The following STOML3 variants were observed in gnomAD, a reference collection of about 807,000 sequenced individuals.
STOML3 encodes the protein stomatin-like protein 3.
A neutral mutation model predicts 29.5 loss-of-function variants in STOML3; 31 were observed. The ratio of observed to expected loss-of-function variants is 1.05; its 90% CI spans 0.79 to 1.42. The LOEUF (loss-of-function observed/expected upper bound fraction) is 1.42, where lower values mean the gene tolerates loss of function less well. Among genes scored for constraint, STOML3 ranks in the 40% most tolerant of loss-of-function variants. STOML3 has a pLI of 0.00. For missense variants in STOML3, 380 were observed against 363.0 expected (o/e 1.05, Z -0.38); for synonymous variants, 122 against 139.8 (o/e 0.87, Z 0.90).
intron 3 of STOML3, 53 bp from the exon 4 acceptor site, chr13:38,972,647 G>A (rs996575694): frequency 4.2e-5 from 64 of 1,520,792 alleles, no homozygotes; most frequent in Non-Finnish European, 4.9e-5. Flanking sequence ...ATAACTACAA[G>A]TAGTCTCATA....
At chr13:38,989,765 G>GCAAT (rs1411131574) in intron 1 of STOML3, among the ~76,000 whole-genome samples, 1 of 152,168 alleles carries the variant, frequency 6.6e-6, no homozygotes, top group Non-Finnish European at 1.5e-5. Flanking sequence ...CCAAAGTGCT[G>GCAAT]CGATTACAGG....
intron 1 of STOML3, among the ~76,000 whole-genome samples, chr13:38,985,907 C>CTTTTTTTTTTTTTTT (rs1868500200): frequency 4.2e-5 from 1 of 23,676 alleles, no homozygotes; most frequent in African/African-American, 1.4e-4. Context: ...TTTTTCTTTT[C>CTTTTTTTTTTTTTTT]TTTCTTTTTT....
chr13:38,979,170 G>A (rs1881191076), intron 1 of STOML3, among the ~76,000 whole-genome samples: 1 of 152,178 alleles, frequency 6.6e-6, no homozygotes, highest in African/African-American at 2.4e-5. Flanking sequence ...TGAATACTCT[G>A]AAATTTAAAT....
rs549479647 is a variant in STOML3, at chr13:38,980,077, C to T, written c.53-3280G>A. 2.6e-6 allele frequency: 4 copies of T among 1,551,710 alleles called. No individual in the cohort carries two copies. In the Admixed American group the frequency reaches 5.9e-5, roughly 23 times the overall value. On this transcript the variant is annotated intron_variant, in intron 1 of 6. Coordinates refer to ENST00000379631, the MANE Select transcript of STOML3 (RefSeq NM_145286.3). ...CTACAAGCTCGCCTCTGGAGTTCAT[C>T]AAGCCCTTGCATCATTACACGTGCA... is the stretch of plus-strand genomic sequence containing the variant.
chr13:38,987,721 T>G (rs1483040250), intron 1 of STOML3, among the ~76,000 whole-genome samples: 1 of 130,584 alleles, frequency 7.7e-6, no homozygotes, highest in Non-Finnish European at 1.6e-5. Flanking sequence ...ATATATTAAT[T>G]CATATAACTA....
Position 38,966,968 on chromosome 13 carries a change from G to GC in STOML3, c.732_733insG (p.Leu245AlafsTer38), listed in dbSNP as rs1235082931. ...AAGGTCTGCAGGTAGCGCAGCTGGAGAGCTATGGGAGACTCAGCCAGCACC... is the reference window on the plus strand; with the variant it reads ...AAGGTCTGCAGGTAGCGCAGCTGGAGCAGCTATGGGAGACTCAGCCAGCACC... On this transcript the variant is annotated frameshift_variant, in exon 7 of 7. Coordinates refer to ENST00000379631, the MANE Select transcript of STOML3 (RefSeq NM_145286.3). LOFTEE classifies it high-confidence loss of function. 6.2e-7 allele frequency: 1 copy of GC among 1,613,880 alleles called. No individual in the cohort carries two copies. Among genetic ancestry groups the GC allele is most frequent in the Non-Finnish European group, 8.5e-7 (1 of 1,180,012 alleles).
At position 38,966,919 on chromosome 13, in the gene STOML3, T is replaced by C. The variant is rs146418702; in HGVS notation, c.782A>G (p.Asn261Ser). 2.5e-5 allele frequency: 41 copies of C among 1,613,984 alleles called. No individual in the cohort carries two copies. The highest frequency in any genetic ancestry group is 3.3e-5 in the Non-Finnish European group (39 of 1,180,014). The change falls in exon 7 of 7, where the codon AAT becomes AGT. Residue 261 changes from asparagine to serine, a missense_variant. Asn to Ser is a conservative substitution (Grantham distance 46, BLOSUM62 1). Coordinates refer to ENST00000379631, the MANE Select transcript of STOML3 (RefSeq NM_145286.3). ...GGGCAGAGGAAACACAATCGTAGAA[T>C]TCTTCTCGGTGGCTACCGTGCTCAA... ...QTLSTVATEK[N>S]STIVFPLPMN...
At chr13:38,983,463 A>T (rs1424605993) in intron 1 of STOML3, among the ~76,000 whole-genome samples, 1 of 152,152 alleles carries the variant, frequency 6.6e-6, no homozygotes, top group Non-Finnish European at 1.5e-5. Flanking sequence ...CTAAATATCA[A>T]TTGTGGATGT....
intron 1 of STOML3, among the ~76,000 whole-genome samples, chr13:38,982,115 A>G (rs1272246242): frequency 6.6e-6 from 1 of 152,180 alleles, no homozygotes; most frequent in Non-Finnish European, 1.5e-5. Flanking sequence ...TATGTAAAAT[A>G]TGGATGAATC....
At position 38,972,549 on chromosome 13, in the gene STOML3, T is replaced by C. The variant is rs754549750; in HGVS notation, c.275A>G (p.Asp92Gly). ...AATGTTGCAAGTAACTGTTCGGAGGTCAACTTTGACAAACACATCTATGCA... is the reference window on the plus strand; with the variant it reads ...AATGTTGCAAGTAACTGTTCGGAGGCCAACTTTGACAAACACATCTATGCA... Reference protein sequence around the residue: ...LPCIDVFVKVDLRTVTCNIPP... With the variant: ...LPCIDVFVKVGLRTVTCNIPP... The change falls in exon 4 of 7, where the codon GAC becomes GGC. Residue 92 changes from aspartate (D) to glycine (G), a missense_variant. Asp to Gly is a moderately conservative substitution (Grantham distance 94). Transcript: ENST00000379631. The C allele has an allele frequency of 2.5e-6, 4 of 1,614,000 alleles. No homozygotes were observed. Among genetic ancestry groups the C allele is most frequent in the South Asian group, 1.1e-5 (1 of 91,082 alleles).
intron 3 of STOML3, among the ~76,000 whole-genome samples, chr13:38,975,653 A>G (rs1326705737): frequency 6.6e-6 from 1 of 152,188 alleles, no homozygotes. Flanking sequence ...AATTAATCCC[A>G]TGAAATTGCC....
At chr13:38,979,104 A>C (rs1881188813) in intron 1 of STOML3, among the ~76,000 whole-genome samples, 1 of 152,196 alleles carries the variant, frequency 6.6e-6, no homozygotes, top group Admixed American at 6.5e-5. Context: ...TTTTGAGTAC[A>C]AATGGCCTTT....
intron 1 of STOML3, among the ~76,000 whole-genome samples, chr13:38,977,245 C>G (rs758116372): frequency 7.2e-5 from 11 of 152,274 alleles, no homozygotes; most frequent in Non-Finnish European, 1.6e-4. Flanking sequence ...CAATGTGGTA[C>G]ATGGAAAAAT....
intron 1 of STOML3, among the ~76,000 whole-genome samples, chr13:38,985,902 C>CTTTT (rs1371193997): frequency 5.6e-5 from 2 of 35,424 alleles, no homozygotes; most frequent in African/African-American, 2.0e-4. Context: ...TTTTTTTTTT[C>CTTTT]TTTTCTTTCT....
intron 3 of STOML3, among the ~76,000 whole-genome samples, chr13:38,974,721 C>T (rs1881006505): frequency 6.6e-6 from 1 of 152,002 alleles, no homozygotes; most frequent in Non-Finnish European, 1.5e-5. Context: ...ACTCATTAAC[C>T]CCAGAGACAC....
Position 38,976,580 on chromosome 13 carries a change from G to T in STOML3, c.189C>A (p.Phe63Leu), listed in dbSNP as rs1367764210. 5 of 1,614,058 alleles carry T rather than the reference G, an allele frequency of 3.1e-6. No individual in the cohort carries two copies. The highest frequency in any genetic ancestry group is 1.3e-5 in the African/African-American group (1 of 74,916). ...IIKEYERAVV[F>L]RLGRIQADKA... The stretch of plus-strand genomic sequence containing the variant: ...TGTCAGCTTGGATGCGTCCCAGACG[G>T]AATACAACAGCACGTTCATACTCCT... Residue 63 changes from phenylalanine to leucine, a missense_variant, in exon 3 of 7, where the codon TTC (phenylalanine) becomes TTA (leucine). Transcript: ENST00000379631.
At chr13:38,984,536 A>G (rs758793166) in intron 1 of STOML3, among the ~76,000 whole-genome samples, 1 of 152,148 alleles carries the variant, frequency 6.6e-6, no homozygotes, top group Non-Finnish European at 1.5e-5. Context: ...CTATGTTTAG[A>G]TATACAAATA....
chr13:38,985,682 TTA>T, intron 1 of STOML3, among the ~76,000 whole-genome samples: 1 of 151,678 alleles, frequency 6.6e-6, no homozygotes, highest in East Asian at 1.9e-4. Context: ...ATTAAGCAAA[TTA>T]TGATATATCT....
chr13:38,968,191 C>T (rs1048248164), intron 6 of STOML3, among the ~76,000 whole-genome samples: 2 of 152,166 alleles, frequency 1.3e-5, no homozygotes, highest in African/African-American at 4.8e-5. Flanking sequence ...TGAGCATCCT[C>T]TTAACCCAAG....
Sources: allele counts gnomAD v4.1 joint callset (sites outside exome capture counted in the v4.1 genomes callset), GRCh38; gene constraint gnomAD v4.1.1; transcripts MANE v1.5; gene names NCBI Gene and HGNC (gene_info 2026-07-23, HGNC 2026-07-21).